Variants in SLC35F2 observed in about 807,000 individuals in gnomAD.
The protein encoded by SLC35F2 is queuine/queuosine transporter SLC35F2.
Under a neutral mutation model 38.1 loss-of-function variants are expected in SLC35F2, and 25 were observed. The observed-to-expected ratio is 0.66, with a 90% CI of 0.48 to 0.92. The LOEUF is 0.92. Among genes scored for constraint, SLC35F2 ranks in the 40% least tolerant of loss-of-function variants. The probability of loss-of-function intolerance (pLI) is 0.00; values close to 1 mark genes in which losing one functional copy is unlikely to be tolerated. For synonymous variants in SLC35F2, 173 were observed against 181.7 expected (o/e 0.95, Z 0.38); for missense variants, 409 against 452.9 (o/e 0.90, Z 0.88).
chr11:107,810,258 T>C (rs1285206654), intron 3 of SLC35F2: 1 of 985,294 alleles, frequency 1.0e-6, no homozygotes, highest in Non-Finnish European at 1.2e-6. Context: ...TAGGTTTTTC[T>C]AAGAGGCTAG....
At chr11:107,836,894 A>G (rs1859939124) in intron 1 of SLC35F2, among the ~76,000 whole-genome samples, 1 of 152,228 alleles carries the variant, frequency 6.6e-6, no homozygotes, top group Non-Finnish European at 1.5e-5. Context: ...TCATAATGTT[A>G]TAACTATTTA....
At chr11:107,827,242 C>T (rs1565435851) in intron 1 of SLC35F2, among the ~76,000 whole-genome samples, 1 of 152,098 alleles carries the variant, frequency 6.6e-6, no homozygotes, top group Non-Finnish European at 1.5e-5. Context: ...CCCTAAAAAG[C>T]TCTGAAACAA....
chr11:107,816,214 T>G, intron 1 of SLC35F2: 2 of 985,322 alleles, frequency 2.0e-6, no homozygotes, highest in Non-Finnish European at 2.4e-6. Context: ...TGAACATCCA[T>G]TTAGAGATCA....
chr11:107,803,971 G>A (rs964414349), intron 6 of SLC35F2, among the ~76,000 whole-genome samples: 3 of 149,810 alleles, frequency 2.0e-5, no homozygotes, highest in African/African-American at 7.4e-5. Context: ...GATTATAGGC[G>A]CCCGCCACCA....
At chr11:107,826,191 T>A (rs865937095) in intron 1 of SLC35F2, among the ~76,000 whole-genome samples, 2 of 152,128 alleles carry the variant, frequency 1.3e-5, no homozygotes, top group Non-Finnish European at 2.9e-5. Context: ...ATACCTTTTT[T>A]AAAAAGGAAG....
chr11:107,811,049 T>G, intron 3 of SLC35F2: 2 of 985,002 alleles, frequency 2.0e-6, no homozygotes, highest in Non-Finnish European at 1.2e-6. Flanking sequence ...TATAAAACAT[T>G]TTGTAGTCAG....
chr11:107,855,750 T>C (rs1373936158), intron 1 of SLC35F2, among the ~76,000 whole-genome samples: 2 of 151,498 alleles, frequency 1.3e-5, no homozygotes. Context: ...AAATCTCATA[T>C]TTAGGAGGCT....
chr11:107,833,776 C>T (rs1352167834), intron 1 of SLC35F2, among the ~76,000 whole-genome samples: 1 of 152,148 alleles, frequency 6.6e-6, no homozygotes, highest in East Asian at 1.9e-4. Context: ...AAAATTCTCT[C>T]GGCCCCAAGG....
intron 5 of SLC35F2, 130 bp from the exon 6 acceptor site, chr11:107,804,900 A>C (rs1859369464): frequency 4.3e-6 from 5 of 1,174,830 alleles, no homozygotes; most frequent in African/African-American, 1.6e-5. Flanking sequence ...TAGAATATAA[A>C]AATAACGATC....
chr11:107,841,383 T>C (rs1860010255), intron 1 of SLC35F2, among the ~76,000 whole-genome samples: 1 of 151,682 alleles, frequency 6.6e-6, no homozygotes, highest in Non-Finnish European at 1.5e-5. Context: ...ACCAACATGG[T>C]GAAACCCTGT....
intron 1 of SLC35F2, chr11:107,816,204 T>C (rs1203453481): frequency 1.0e-6 from 1 of 985,342 alleles, no homozygotes; most frequent in Non-Finnish European, 1.2e-6. Context: ...CCCATTTCAC[T>C]GAACATCCAT....
chr11:107,802,921 G>T (rs938259575), intron 7 of SLC35F2, 80 bp downstream of exon 7: 3 of 1,330,164 alleles, frequency 2.3e-6, no homozygotes, highest in Non-Finnish European at 3.0e-6. Flanking sequence ...TTTATTTTTT[G>T]ATCTAGAGTC....
At chr11:107,803,835 A>T (rs114313461) in intron 6 of SLC35F2, among the ~76,000 whole-genome samples, 1,693 of 146,604 alleles carry the variant, frequency 0.012, 29 homozygotes, top group African/African-American at 0.042. Context: ...ATTTTTATTT[A>T]TTTTTTTTGA....
chr11:107,857,282 G>A (rs11212410), intron 1 of SLC35F2, among the ~76,000 whole-genome samples: 65,123 of 148,602 alleles, frequency 0.44, 14,319 homozygotes, highest in Admixed American at 0.54. Context: ...AAGGAAGGAC[G>A]GAAGGAAGGA....
intron 7 of SLC35F2, among the ~76,000 whole-genome samples, chr11:107,796,204 GAA>G (rs1310652475): frequency 6.6e-6 from 1 of 152,110 alleles, no homozygotes; most frequent in Admixed American, 6.6e-5. Context: ...AGCCACTATG[GAA>G]AACAGTACGG....
At chr11:107,850,008 C>T (rs1860153124) in intron 1 of SLC35F2, among the ~76,000 whole-genome samples, 1 of 152,172 alleles carries the variant, frequency 6.6e-6, no homozygotes, top group Non-Finnish European at 1.5e-5. Flanking sequence ...CTCACCTACC[C>T]TCTCCAAGCT....
rs186775920 is a variant in SLC35F2, at chr11:107,794,820, A to G, written c.940-2020T>C. Among the ~76,000 whole-genome samples, 8 of 152,344 alleles carry G rather than the reference A, an allele frequency of 5.3e-5. No individual in the cohort carries two copies. The East Asian group carries it at 1.5e-3, about 29-fold the overall frequency. On this transcript the variant is annotated intron_variant, in intron 7 of 7. Coordinates refer to ENST00000525815, the MANE Select transcript of SLC35F2 (RefSeq NM_017515.5). Reference sequence around the variant, plus strand: ...CCAGAAAAACCTAAAGATGCCACAAAATAGCTCTTAGATCTGATCAATAAA... The same window carrying G: ...CCAGAAAAACCTAAAGATGCCACAAGATAGCTCTTAGATCTGATCAATAAA...
Position 107,802,915 on chromosome 11 carries a change from T to C in SLC35F2, c.939+86A>G, listed in dbSNP as rs531866468. 2.5e-4 allele frequency: 328 copies of C among 1,299,448 alleles called. 4 individuals are homozygous for C. In the South Asian group the frequency reaches 2.6e-3, roughly 10 times the overall value. The allele number at this position is 1,299,448 out of a possible 1,614,324, so 80.5% of individuals were successfully genotyped here. On this transcript the variant is annotated intron_variant, in intron 7 of 7. Transcript: ENST00000525815. ...TTGCCAAGAAGATGAGAAGGTTTTA[T>C]TTTTTGATCTAGAGTCTTGAAGAAA...
intron 1 of SLC35F2, among the ~76,000 whole-genome samples, chr11:107,846,021 A>G (rs1218779659): frequency 6.6e-6 from 1 of 151,914 alleles, no homozygotes; most frequent in Non-Finnish European, 1.5e-5. Flanking sequence ...CAAAATAAAC[A>G]GCTCAAAATC....
Sources: gnomAD v4.1 joint callset for allele counts (sites outside exome capture counted in the v4.1 genomes callset) on GRCh38, gnomAD v4.1.1 for gene constraint, MANE v1.5 for transcripts, NCBI Gene and HGNC (gene_info 2026-07-23, HGNC 2026-07-21) for gene names.